LIMS1: variants seen among roughly 807,000 people sequenced by gnomAD.
The protein encoded by LIMS1 is LIM zinc finger domain containing 1.
In LIMS1, 18 loss-of-function variants were observed where a neutral mutation model predicts 44.1. The observed-to-expected ratio is 0.41, with a 90% CI of 0.28 to 0.61. The LOEUF is 0.61. Among genes scored for constraint, LIMS1 ranks in the 20% least tolerant of loss-of-function variants. The probability of loss-of-function intolerance (pLI) is 0.32; values close to 1 mark genes in which losing one functional copy is unlikely to be tolerated. For missense variants in LIMS1, 201 were observed against 422.0 expected (o/e 0.48, Z 4.59); for synonymous variants, 93 against 149.1 (o/e 0.62, Z 2.74).
At chr2:108,593,223 A>G (rs1686496491) in intron 1 of LIMS1, among the ~76,000 whole-genome samples, 1 of 151,886 alleles carries the variant, frequency 6.6e-6, no homozygotes. Flanking sequence ...AGTGCCTGAT[A>G]GTCTCATGGT....
chr2:108,645,021 T>C (rs1405723724), intron 1 of LIMS1, among the ~76,000 whole-genome samples: 1 of 152,108 alleles, frequency 6.6e-6, no homozygotes, highest in Non-Finnish European at 1.5e-5. Flanking sequence ...GATCTTTGTT[T>C]GATTGGTATA....
At chr2:108,592,390 A>T (rs528830087) in intron 1 of LIMS1, among the ~76,000 whole-genome samples, 16 of 152,184 alleles carry the variant, frequency 1.1e-4, no homozygotes, top group Non-Finnish European at 2.4e-4. Flanking sequence ...AGAAAAGGAT[A>T]CTTTATCAGC....
chr2:108,659,788 G>C, intron 2 of LIMS1, 24 bp downstream of exon 2: 1 of 1,612,212 alleles, frequency 6.2e-7, no homozygotes, highest in Non-Finnish European at 8.5e-7. Context: ...GACAAAAGCA[G>C]GGAGGTGCCA....
At chr2:108,670,275 A>T (rs1400861910) in intron 2 of LIMS1, among the ~76,000 whole-genome samples, 1 of 152,116 alleles carries the variant, frequency 6.6e-6, no homozygotes, top group Non-Finnish European at 1.5e-5. Context: ...GCTTTGGGCC[A>T]GGAGTCCAAG....
chr2:108,622,847 TA>T (rs1688329339), intron 1 of LIMS1, among the ~76,000 whole-genome samples: 2 of 151,896 alleles, frequency 1.3e-5, no homozygotes, highest in South Asian at 4.1e-4. Flanking sequence ...TTAAGTTATA[TA>T]AAAAAAATTC....
chr2:108,628,296 G>T (rs1252188943), intron 1 of LIMS1, among the ~76,000 whole-genome samples: 1 of 152,160 alleles, frequency 6.6e-6, no homozygotes, highest in East Asian at 1.9e-4. Flanking sequence ...CTTCTTTTCA[G>T]TTTTTCCTTT....
chr2:108,553,583 T>G (rs545070807), intron 1 of LIMS1, among the ~76,000 whole-genome samples: 26 of 152,208 alleles, frequency 1.7e-4, no homozygotes, highest in Non-Finnish European at 3.8e-4. Context: ...ACATTCCTAT[T>G]TTGTGGTCTT....
chr2:108,597,466 A>G lies in LIMS1; in HGVS notation c.33-62139A>G, dbSNP rs537214714. ...TTCTTGATAAATTGAATAAGCAACA[A>G]ATACACTAGCAGTCACTAGAGGGTG... On this transcript the variant is annotated intron_variant, in intron 1 of 9. Transcript: ENST00000544547. 4.6e-5 allele frequency among the ~76,000 whole-genome samples: 7 copies of G among 152,274 alleles called. No homozygotes were observed. In the South Asian group the frequency reaches 1.2e-3, roughly 27 times the overall value.
chr2:108,685,894 G>C (rs1693269961), exon 10 of LIMS1: 1 of 152,122 alleles, frequency 6.6e-6, no homozygotes, highest in African/African-American at 2.4e-5. Context: ...AGAAAAACAA[G>C]CATTTACATA....
chr2:108,597,598 A>G (rs969636977), intron 1 of LIMS1, among the ~76,000 whole-genome samples: 2 of 152,118 alleles, frequency 1.3e-5, no homozygotes, highest in African/African-American at 4.8e-5. Context: ...ACAGAGGCAC[A>G]CACACAGACT....
chr2:108,536,762 T>C (rs1403972214), intron 1 of LIMS1, among the ~76,000 whole-genome samples: 1 of 152,186 alleles, frequency 6.6e-6, no homozygotes, highest in Non-Finnish European at 1.5e-5. Flanking sequence ...TGTATTTTTT[T>C]GGTAGAAACA....
intron 1 of LIMS1, among the ~76,000 whole-genome samples, chr2:108,544,518 C>T (rs1018534862): frequency 2.6e-5 from 4 of 151,976 alleles, no homozygotes; most frequent in Non-Finnish European, 4.4e-5. Context: ...ATTTTTGAGG[C>T]GATGTTTTTG....
intron 1 of LIMS1, among the ~76,000 whole-genome samples, chr2:108,635,717 AG>A (rs1341706608): frequency 6.6e-6 from 1 of 152,180 alleles, no homozygotes; most frequent in East Asian, 1.9e-4. Flanking sequence ...AGAATGAGGT[AG>A]ACAGACTTGG....
intron 7 of LIMS1, 180 bp downstream of exon 7, chr2:108,676,878 T>C: frequency 1.5e-6 from 1 of 659,714 alleles, no homozygotes; most frequent in Admixed American, 3.6e-5. Flanking sequence ...AAAGAATACC[T>C]GTATGTCTTT....
chr2:108,682,449 G>A (rs560579108), intron 9 of LIMS1, among the ~76,000 whole-genome samples: 1 of 152,194 alleles, frequency 6.6e-6, no homozygotes, highest in South Asian at 2.1e-4. Context: ...GCAGTGAGCC[G>A]AGATCGTGCC....
At chr2:108,621,490 G>T (rs1171148089) in intron 1 of LIMS1, 3 of 1,485,688 alleles carry the variant, frequency 2.0e-6, no homozygotes, top group African/African-American at 1.4e-5. Flanking sequence ...TTGGCTAAAG[G>T]TCAAGACATC....
At chr2:108,537,160 C>G (rs1475538129) in intron 1 of LIMS1, among the ~76,000 whole-genome samples, 1 of 152,150 alleles carries the variant, frequency 6.6e-6, no homozygotes, top group East Asian at 1.9e-4. Context: ...ATCTGTGTGT[C>G]AACACAGTCC....
intron 1 of LIMS1, among the ~76,000 whole-genome samples, chr2:108,559,880 A>C (rs549924397): frequency 1.3e-5 from 2 of 152,334 alleles, no homozygotes; most frequent in African/African-American, 4.8e-5. Context: ...TCTGAGCACA[A>C]ATATTTATAC....
chr2:108,641,342 G>C (rs765011589), intron 1 of LIMS1, among the ~76,000 whole-genome samples: 1 of 152,170 alleles, frequency 6.6e-6, no homozygotes, highest in Non-Finnish European at 1.5e-5. Flanking sequence ...TAACTCTTTA[G>C]ATTAAGTTTC....
Sources: allele counts gnomAD v4.1 joint callset (sites outside exome capture counted in the v4.1 genomes callset), GRCh38; gene constraint gnomAD v4.1.1; transcripts MANE v1.5; gene names NCBI Gene and HGNC (gene_info 2026-07-23, HGNC 2026-07-21).